Variants in PATJ observed in about 807,000 individuals in gnomAD.
PATJ encodes the protein PATJ crumbs cell polarity complex component.
Under a neutral mutation model 224.9 loss-of-function variants are expected in PATJ, and 190 were observed. That is an observed-to-expected ratio of 0.84 (90% CI 0.75 to 0.95). PATJ has a LOEUF of 0.95. PATJ is among the 40% of genes least tolerant of loss of function. PATJ has a pLI of 0.00. For synonymous variants in PATJ, 769 were observed against 820.3 expected, an observed-to-expected ratio of 0.94 and a Z score of 1.07; for missense variants, 2,121 against 2,270.3, an observed-to-expected ratio of 0.93 and a Z score of 1.34.
chr1:61,826,387 G>A (rs546150126), intron 15 of PATJ, among the ~76,000 whole-genome samples: 2 of 147,146 alleles, frequency 1.4e-5, no homozygotes, highest in African/African-American at 5.0e-5. Context: ...AGAAATTAAT[G>A]CCAGACTAGA....
chr1:61,809,353 T>A (rs1654220094), intron 14 of PATJ, among the ~76,000 whole-genome samples: 1 of 152,094 alleles, frequency 6.6e-6, no homozygotes, highest in African/African-American at 2.4e-5. Flanking sequence ...TACCTTAAAC[T>A]CTTCTGTCAC....
At chr1:62,004,961 T>G (rs147599785) in intron 28 of PATJ, among the ~76,000 whole-genome samples, 233 of 152,310 alleles carry the variant, frequency 1.5e-3, no homozygotes, top group African/African-American at 5.3e-3. Flanking sequence ...GTTTTCTTTC[T>G]ATGACAATGC....
chr1:61,812,597 CT>C (rs1476027427), intron 14 of PATJ, among the ~76,000 whole-genome samples: 1 of 151,940 alleles, frequency 6.6e-6, no homozygotes, highest in African/African-American at 2.4e-5. Flanking sequence ...ACCTGTAATC[CT>C]AGCATTTTGG....
intron 21 of PATJ, among the ~76,000 whole-genome samples, chr1:61,875,746 TAAAG>T (rs988982731): frequency 1.3e-5 from 2 of 152,166 alleles, no homozygotes; most frequent in African/African-American, 2.4e-5. Context: ...TAAATATTAA[TAAAG>T]AGAGGCATAT....
intron 28 of PATJ, 156 bp downstream of exon 28, chr1:61,990,520 G>C (rs1645001948): frequency 4.0e-6 from 2 of 495,576 alleles, no homozygotes; most frequent in Admixed American, 4.1e-5. Context: ...AAATCAAACT[G>C]TTGTTTGCAA....
intron 30 of PATJ, among the ~76,000 whole-genome samples, chr1:62,042,869 A>T (rs1311886161): frequency 1.3e-5 from 2 of 151,806 alleles, no homozygotes; most frequent in African/African-American, 4.8e-5. Flanking sequence ...CTGGTCTTGA[A>T]CTCCTGACCT....
At chr1:62,135,254 C>T (rs190875388) in intron 41 of PATJ, among the ~76,000 whole-genome samples, 57 of 152,146 alleles carry the variant, frequency 3.7e-4, no homozygotes, top group Admixed American at 2.6e-3. Context: ...TGGTGGCTCA[C>T]GCCTGTAATC....
chr1:61,976,826 G>A (rs1024939774), intron 27 of PATJ, among the ~76,000 whole-genome samples: 3 of 151,814 alleles, frequency 2.0e-5, no homozygotes, highest in Non-Finnish European at 2.9e-5. Flanking sequence ...TACTATACTC[G>A]TTTCACCTAT....
At chr1:62,151,111 C>T (rs1424074828) in intron 42 of PATJ, among the ~76,000 whole-genome samples, 1 of 151,732 alleles carries the variant, frequency 6.6e-6, no homozygotes, top group African/African-American at 2.4e-5. Context: ...TGCACTCCAG[C>T]CTGGGCAACA....
At chr1:62,073,049 G>T (rs1657710356) in intron 31 of PATJ, 1 of 985,266 alleles carries the variant, frequency 1.0e-6, no homozygotes, top group African/African-American at 1.7e-5. Flanking sequence ...ATTGGTCAGG[G>T]CATGGTGGCA....
At chr1:61,995,849 T>C (rs1008822974) in intron 28 of PATJ, among the ~76,000 whole-genome samples, 1 of 152,214 alleles carries the variant, frequency 6.6e-6, no homozygotes, top group Non-Finnish European at 1.5e-5. Flanking sequence ...GGCTGTCATA[T>C]GAATACAGGA....
chr1:62,148,297 C>T lies in PATJ; in HGVS notation c.5285C>T (p.Thr1762Ile). ...CTTTTTCCCCAGGTTGTAGCAGATA[C>T]CAATATAAGCGCCATAGCAGCTCAG... ...GRIILQVVAD[T>I]NISAIAAQLE... Residue 1762 changes from threonine to isoleucine, a missense_variant, in exon 42 of 44, where the codon ACC becomes ATC. Thr to Ile is a moderately conservative substitution (Grantham distance 89, BLOSUM62 -1). Coordinates refer to ENST00000642238, the MANE Select transcript of PATJ (RefSeq NM_001350145.3). 1 of 1,613,208 alleles carries T rather than the reference C, an allele frequency of 6.2e-7. No individual in the cohort carries two copies. The highest frequency in any genetic ancestry group is 8.5e-7 in the Non-Finnish European group (1 of 1,179,398).
intron 14 of PATJ, among the ~76,000 whole-genome samples, chr1:61,815,336 G>A (rs1465654329): frequency 1.3e-5 from 2 of 152,138 alleles, no homozygotes; most frequent in Non-Finnish European, 2.9e-5. Flanking sequence ...GGTGTTAAAG[G>A]GCCCCTTGGG....
At chr1:61,908,283 A>G in intron 24 of PATJ, 89 bp from the exon 25 acceptor site, 2 of 836,164 alleles carry the variant, frequency 2.4e-6, no homozygotes, top group South Asian at 1.6e-5. Flanking sequence ...GGTTGTTCTT[A>G]TAACTAGATA....
chr1:61,949,286 G>A (rs189277898), intron 27 of PATJ, among the ~76,000 whole-genome samples: 73 of 152,004 alleles, frequency 4.8e-4, no homozygotes, highest in Admixed American at 1.7e-3. Flanking sequence ...TTCATAAACT[G>A]TCCATAAAAA....
chr1:62,137,232 A>C (rs1255729638), intron 41 of PATJ, among the ~76,000 whole-genome samples: 5 of 151,464 alleles, frequency 3.3e-5, no homozygotes, highest in Admixed American at 6.6e-5. Context: ...AAAGCACAAG[A>C]GAGTACATGA....
chr1:61,902,827 G>A (rs1671372589), intron 24 of PATJ, among the ~76,000 whole-genome samples: 1 of 152,096 alleles, frequency 6.6e-6, no homozygotes, highest in South Asian at 2.1e-4. Flanking sequence ...GTTGGGGATG[G>A]TGAAAGCAAT....
intron 31 of PATJ, among the ~76,000 whole-genome samples, chr1:62,077,977 G>A (rs368243064): frequency 6.6e-6 from 1 of 152,232 alleles, no homozygotes; most frequent in Non-Finnish European, 1.5e-5. Context: ...AAACTAGAAA[G>A]CACAGTGCAT....
intron 31 of PATJ, among the ~76,000 whole-genome samples, chr1:62,075,917 C>CAAAAA (rs796303716): frequency 1.3e-5 from 1 of 79,868 alleles, no homozygotes. Context: ...GACTCCGTCT[C>CAAAAA]AAAAAAAAAA....
Sources: gnomAD v4.1 joint callset for allele counts (sites outside exome capture counted in the v4.1 genomes callset) on GRCh38, gnomAD v4.1.1 for gene constraint, MANE v1.5 for transcripts, NCBI Gene and HGNC (gene_info 2026-07-23, HGNC 2026-07-21) for gene names.